ILKAP: variants seen among roughly 807,000 people sequenced by gnomAD.
The protein encoded by ILKAP is ILK associated serine/threonine phosphatase.
Under a neutral mutation model 49.1 loss-of-function variants are expected in ILKAP, and 11 were observed. That is an observed-to-expected ratio of 0.22 (90% confidence interval 0.14 to 0.37). The LOEUF is 0.37. Ranked by LOEUF, ILKAP falls within the 10% of genes least tolerant of loss-of-function variation. The pLI is 1.00. For synonymous variants in ILKAP, 186 were observed against 192.8 expected, an observed-to-expected ratio of 0.96 and a Z score of 0.29; for missense variants, 363 against 510.8, an observed-to-expected ratio of 0.71 and a Z score of 2.79.
Position 238,203,563 on chromosome 2 carries a change from TG to T in ILKAP, c.-11del. 1 of 1,159,556 alleles carries T rather than the reference TG, an allele frequency of 8.6e-7. No individual in the cohort carries two copies. The highest frequency in any genetic ancestry group is 1.1e-6 in the Non-Finnish European group (1 of 938,784). 71.8% of individuals were successfully genotyped at this position (1,159,556 alleles called of 1,614,324 possible). On this transcript the variant is annotated 5_prime_UTR_variant, in exon 1 of 12. Transcript: ENST00000254654. Reference sequence around the variant, plus strand: ...CCCCGAAGAGGTCCATGGCGGAGGCTGGGTGGAGGCGGCAGCAGCGACAGAC... The same window carrying T: ...CCCCGAAGAGGTCCATGGCGGAGGCTGGTGGAGGCGGCAGCAGCGACAGAC...
intron 3 of ILKAP, among the ~76,000 whole-genome samples, chr2:238,190,371 C>T (rs996278850): frequency 5.3e-5 from 8 of 152,020 alleles, no homozygotes; most frequent in African/African-American, 1.7e-4. Flanking sequence ...GTAACAAGTA[C>T]TCGAAAAGGC....
Position 238,183,669 on chromosome 2 carries a change from T to C in ILKAP, c.698A>G (p.Asn233Ser). The change falls in exon 8 of 12, where the codon AAC becomes AGC. Residue 233 changes from asparagine to serine, a missense_variant. Coordinates refer to ENST00000254654, the MANE Select transcript of ILKAP (RefSeq NM_030768.3). ...LAVDNILYIANLGDSRAILCR... is the reference protein window; with the variant it reads ...LAVDNILYIASLGDSRAILCR... ...GCCACATACCCGACTATCTCCGAGG[T>C]TGGCAATATAAAGAATGTTGTCTAC... 6.2e-7 allele frequency: 1 copy of C among 1,612,642 alleles called. No homozygotes were observed. Among genetic ancestry groups the C allele is most frequent in the East Asian group, 2.2e-5 (1 of 44,876 alleles).
At chr2:238,194,736 T>C (rs550174221) in intron 2 of ILKAP, 69 bp downstream of exon 2, 64 of 1,458,260 alleles carry the variant, frequency 4.4e-5, no homozygotes, top group Admixed American at 1.9e-4. Flanking sequence ...GGGAAAAAGA[T>C]TGAGACAACT....
At chr2:238,185,067 A>G (rs1286758898) in intron 6 of ILKAP, 114 bp downstream of exon 6, 1 of 680,166 alleles carries the variant, frequency 1.5e-6, no homozygotes, top group Non-Finnish European at 2.6e-6. Context: ...CACTCTTTTA[A>G]GACTCATCAA....
intron 3 of ILKAP, 35 bp downstream of exon 3, chr2:238,194,240 T>G: frequency 6.3e-7 from 1 of 1,584,724 alleles, no homozygotes; most frequent in Non-Finnish European, 8.7e-7. Context: ...TATGTATTAT[T>G]TCCATCAGCA....
chr2:238,189,964 C>T lies in ILKAP; in HGVS notation c.187G>A (p.Ala63Thr). 1 of 1,613,822 alleles carries T rather than the reference C, an allele frequency of 6.2e-7. No homozygotes were observed. The highest frequency in any genetic ancestry group is 8.5e-7 in the Non-Finnish European group (1 of 1,179,886). Residue 63 changes from alanine (A) to threonine (T), a missense_variant, in exon 4 of 12, where the codon GCC becomes ACC. This residue lies in a region of ILKAP where 114 missense variants were observed against 116.0 expected (regional missense o/e 0.98). Coordinates refer to ENST00000254654, the MANE Select transcript of ILKAP (RefSeq NM_030768.3). Reference protein sequence around the residue: ...PASSGDSGSLATSISQMVKTE... With the variant: ...PASSGDSGSLTTSISQMVKTE... ...TTTACCATCTGGGATATTGATGTGG[C>T]AAGAGAACCTGGAAATAAAGTAAAA... is the stretch of plus-strand genomic sequence containing the variant.
Position 238,194,830 on chromosome 2 carries a change from G to A in ILKAP, c.96C>T (p.Leu32=), listed in dbSNP as rs748250985. The change falls in exon 2 of 12, where the codon CTC becomes CTT. Residue 32 remains leucine (L), a synonymous_variant. Transcript: ENST00000254654. ...AQKGPLLFDD[L]PPASSTDSGS... is the part of the protein sequence containing the mutation. ...CTGAGTCAGTACTGCTGGCCGGAGG[G>A]AGGTCATCAAAGAGCAGGGGTCCTT... The A allele has an allele frequency of 5.6e-6, 9 of 1,614,186 alleles. No individual in the cohort carries two copies. In the South Asian group the frequency reaches 9.9e-5, roughly 18 times the overall value.
chr2:238,183,032 G>C (rs561935340), intron 8 of ILKAP, among the ~76,000 whole-genome samples: 4 of 152,134 alleles, frequency 2.6e-5, no homozygotes, highest in African/African-American at 9.7e-5. Flanking sequence ...GTGAAAAAGC[G>C]GCAACGGAAC....
At chr2:238,192,951 A>G (rs1165102924) in intron 3 of ILKAP, among the ~76,000 whole-genome samples, 3 of 151,318 alleles carry the variant, frequency 2.0e-5, no homozygotes, top group Non-Finnish European at 4.4e-5. Context: ...AGGTGGAGGT[A>G]GCAGTGAGCC....
At chr2:238,181,254 TTA>T (rs1225404875) in intron 9 of ILKAP, among the ~76,000 whole-genome samples, 1 of 152,094 alleles carries the variant, frequency 6.6e-6, no homozygotes, top group African/African-American at 2.4e-5. Context: ...GACATCTCTC[TTA>T]TCTCTGGCAG....
chr2:238,200,631 G>A (rs1454012346), intron 1 of ILKAP, among the ~76,000 whole-genome samples: 2 of 152,172 alleles, frequency 1.3e-5, no homozygotes, highest in Non-Finnish European at 2.9e-5. Context: ...AGAGCAGCCT[G>A]GGCAACATGG....
chr2:238,195,688 A>G (rs1323757536), intron 1 of ILKAP, among the ~76,000 whole-genome samples: 3 of 152,172 alleles, frequency 2.0e-5, no homozygotes, highest in Non-Finnish European at 4.4e-5. Context: ...AAAGTTCAAC[A>G]CACCAACCAA....
At chr2:238,196,906 A>C (rs1559301485) in intron 1 of ILKAP, among the ~76,000 whole-genome samples, 1 of 152,236 alleles carries the variant, frequency 6.6e-6, no homozygotes, top group Non-Finnish European at 1.5e-5. Flanking sequence ...AAAGCCATTA[A>C]AAAGTATTTA....
chr2:238,192,267 C>G (rs576101356), intron 3 of ILKAP, among the ~76,000 whole-genome samples: 3 of 151,434 alleles, frequency 2.0e-5, no homozygotes, highest in Admixed American at 6.6e-5. Context: ...AATAAAGACA[C>G]CTTACAGGTT....
chr2:238,171,066 C>T (rs768282854), intron 10 of ILKAP, 42 bp from the exon 11 acceptor site: 9 of 1,378,066 alleles, frequency 6.5e-6, no homozygotes, highest in East Asian at 2.3e-5. Context: ...TTAGGCCCAA[C>T]CAAAAAATAA....
intron 1 of ILKAP, among the ~76,000 whole-genome samples, chr2:238,198,459 G>A (rs922670878): frequency 2.0e-5 from 3 of 152,078 alleles, no homozygotes; most frequent in Non-Finnish European, 4.4e-5. Context: ...GGTTGGTCAC[G>A]AACTACTGTA....
chr2:238,176,381 T>C (rs1160099962), intron 9 of ILKAP, among the ~76,000 whole-genome samples: 2 of 152,142 alleles, frequency 1.3e-5, no homozygotes, highest in African/African-American at 2.4e-5. Context: ...TCCACCCGCC[T>C]TGGCCCCCCA....
At chr2:238,172,385 C>T (rs538577773) in intron 10 of ILKAP, among the ~76,000 whole-genome samples, 7 of 152,182 alleles carry the variant, frequency 4.6e-5, no homozygotes, top group East Asian at 3.8e-4. Context: ...TTCACTCGGC[C>T]GCTACTTGCC....
chr2:238,193,418 G>A (rs1253042609), intron 3 of ILKAP, among the ~76,000 whole-genome samples: 6 of 152,172 alleles, frequency 3.9e-5, no homozygotes, highest in South Asian at 2.1e-4. Context: ...ACAGGGTTTC[G>A]CCATGTTGGC....
Sources: allele counts gnomAD v4.1 joint callset (sites outside exome capture counted in the v4.1 genomes callset), GRCh38; gene constraint gnomAD v4.1.1; regional missense constraint gnomAD v4.1.1; transcripts MANE v1.5; gene names NCBI Gene and HGNC (gene_info 2026-07-23, HGNC 2026-07-21).